GTF2A1L: variants seen among roughly 807,000 people sequenced by gnomAD.
The protein encoded by GTF2A1L is TFIIA-alpha and beta-like factor.
In GTF2A1L, 48 loss-of-function variants were observed where a neutral mutation model predicts 49.7. The ratio of observed to expected loss-of-function variants is 0.97; its 90% confidence interval spans 0.77 to 1.23. The LOEUF is 1.23. Ranked by LOEUF, GTF2A1L falls within the 50% of genes most tolerant of loss-of-function variation. The probability of loss-of-function intolerance (pLI) is 0.00; values close to 1 mark genes in which losing one functional copy is unlikely to be tolerated. For synonymous variants in GTF2A1L, 246 were observed against 193.5 expected (o/e 1.27, Z -2.25); for missense variants, 736 against 564.8 (o/e 1.30, Z -3.07).
intron 2 of GTF2A1L, 46 bp downstream of exon 2, chr2:48,620,998 T>C: frequency 1.3e-6 from 2 of 1,578,076 alleles, no homozygotes; most frequent in Non-Finnish European, 1.7e-6. Context: ...TGTTGTTTTT[T>C]TCAGCATACA....
chr2:48,638,908 T>C (rs972385101), intron 3 of GTF2A1L, among the ~76,000 whole-genome samples: 5 of 151,958 alleles, frequency 3.3e-5, no homozygotes, highest in African/African-American at 7.3e-5. Context: ...CAAAAATCAC[T>C]AACATTCCTA....
chr2:48,631,568 C>T (rs1046738848), intron 3 of GTF2A1L, among the ~76,000 whole-genome samples: 8 of 152,038 alleles, frequency 5.3e-5, no homozygotes, highest in South Asian at 4.2e-4. Flanking sequence ...TTCAGAGAAC[C>T]GGTGTTTGGT....
At chr2:48,625,931 A>G (rs1676266081) in intron 3 of GTF2A1L, among the ~76,000 whole-genome samples, 1 of 144,110 alleles carries the variant, frequency 6.9e-6, no homozygotes, top group African/African-American at 2.5e-5. Context: ...ATATCCAAAA[A>G]ATCATTGCCA....
chr2:48,618,670 G>A (rs900673307), intron 1 of GTF2A1L, among the ~76,000 whole-genome samples: 3 of 152,130 alleles, frequency 2.0e-5, no homozygotes, highest in African/African-American at 7.2e-5. Context: ...TTTTATGATA[G>A]TGCGTTTTAA....
At chr2:48,672,179 G>C (rs1464258859) in intron 8 of GTF2A1L, among the ~76,000 whole-genome samples, 1 of 152,162 alleles carries the variant, frequency 6.6e-6, no homozygotes, top group African/African-American at 2.4e-5. Flanking sequence ...TGACTTGTAG[G>C]ATACAGGTAA....
Position 48,621,276 on chromosome 2 carries a change from T to C in GTF2A1L, c.233T>C (p.Leu78Ser). 6.2e-7 allele frequency: 1 copy of C among 1,614,122 alleles called. No homozygotes were observed. The highest frequency in any genetic ancestry group is 2.2e-5 in the East Asian group (1 of 44,866). Residue 78 changes from leucine to serine, a missense_variant, in exon 3 of 9, where the codon TTG becomes TCG. Transcript: ENST00000403751. ...LQLPHSLHQTLQSSTASLVIP... is the reference protein window; with the variant it reads ...LQLPHSLHQTSQSSTASLVIP... ...TTGCCGCACAGCTTGCACCAAACAT[T>C]GCAATCGTCAACAGGTTGGATACCA... is the stretch of plus-strand genomic sequence containing the variant.
chr2:48,677,377 G>A (rs1327513155), intron 8 of GTF2A1L, among the ~76,000 whole-genome samples: 2 of 151,892 alleles, frequency 1.3e-5, no homozygotes, highest in Non-Finnish European at 2.9e-5. Context: ...AAGATCAGAA[G>A]GAAGTAAGGG....
intron 6 of GTF2A1L, among the ~76,000 whole-genome samples, chr2:48,660,114 A>G (rs538599750): frequency 6.6e-6 from 1 of 151,826 alleles, no homozygotes; most frequent in South Asian, 2.1e-4. Context: ...ATCTTGAACT[A>G]TCCTTGCATC....
intron 6 of GTF2A1L, among the ~76,000 whole-genome samples, chr2:48,649,706 G>GCAGCCTGGTTGTGTCTT (rs1161612848): frequency 6.6e-6 from 1 of 152,156 alleles, no homozygotes; most frequent in African/African-American, 2.4e-5. Context: ...TGTCCCAAAT[G>GCAGCCTGGTTGTGTCTT]CAGCCTGGTT....
chr2:48,636,170 T>C (rs1676876013), intron 3 of GTF2A1L, among the ~76,000 whole-genome samples: 1 of 152,200 alleles, frequency 6.6e-6, no homozygotes, highest in Admixed American at 6.5e-5. Flanking sequence ...TATTTCCAAA[T>C]GGTGGAGGCC....
chr2:48,678,336 G>T (rs752288337), intron 8 of GTF2A1L, among the ~76,000 whole-genome samples: 1 of 151,936 alleles, frequency 6.6e-6, no homozygotes, highest in South Asian at 2.1e-4. Flanking sequence ...GCAAGTGACT[G>T]TGCAAGACAA....
intron 6 of GTF2A1L, among the ~76,000 whole-genome samples, chr2:48,665,321 T>C (rs1017977434): frequency 1.3e-5 from 2 of 151,860 alleles, no homozygotes; most frequent in Admixed American, 1.3e-4. Flanking sequence ...TTTCACTTTT[T>C]TTCCCTTTTA....
chr2:48,652,697 T>A (rs749969219), intron 6 of GTF2A1L, among the ~76,000 whole-genome samples: 43 of 151,364 alleles, frequency 2.8e-4, no homozygotes, highest in Non-Finnish European at 4.3e-4. Context: ...ATTATTATTA[T>A]CATTTATTTA....
intron 8 of GTF2A1L, 111 bp downstream of exon 8, chr2:48,671,791 C>A: frequency 9.4e-7 from 1 of 1,061,594 alleles, no homozygotes; most frequent in Non-Finnish European, 1.3e-6. Context: ...TTAATCAAAA[C>A]AGCAGTTTAA....
Position 48,669,728 on chromosome 2 carries a change from A to G in GTF2A1L, c.985A>G (p.Asn329Asp), listed in dbSNP as rs1488436225. 6 of 1,606,498 alleles carry G rather than the reference A, an allele frequency of 3.7e-6. No individual in the cohort carries two copies. The highest frequency in any genetic ancestry group is 4.3e-6 in the Non-Finnish European group (5 of 1,174,924). The stretch of plus-strand genomic sequence containing the variant: ...TATTTCTTTCTCTTTTTAGGATTCT[A>G]ATTCTCAGGTGGATTTAAGCATTCG... ...SNIPVSEKDSNSQVDLSIRVT... is the reference protein window; with the variant it reads ...SNIPVSEKDSDSQVDLSIRVT... The change falls in exon 7 of 9, where the codon AAT becomes GAT. Residue 329 changes from asparagine (N) to aspartate (D), a missense_variant. Physicochemically the swap from Asn to Asp is conservative, Grantham distance 23. Coordinates refer to ENST00000403751, the MANE Select transcript of GTF2A1L (RefSeq NM_006872.5).
chr2:48,646,393 T>C (rs1400283517), intron 5 of GTF2A1L, 60 bp from the exon 6 acceptor site: 1 of 1,306,716 alleles, frequency 7.7e-7, no homozygotes, highest in Non-Finnish European at 9.9e-7. Context: ...TTTTTTGTGG[T>C]GGTTGTCAAA....
At chr2:48,623,397 G>A (rs943015811) in intron 3 of GTF2A1L, among the ~76,000 whole-genome samples, 1 of 152,132 alleles carries the variant, frequency 6.6e-6, no homozygotes, top group Non-Finnish European at 1.5e-5. Flanking sequence ...ACACTAGTCA[G>A]AATGGCTATT....
intron 3 of GTF2A1L, among the ~76,000 whole-genome samples, chr2:48,631,707 G>C (rs1676588348): frequency 6.6e-6 from 1 of 151,930 alleles, no homozygotes; most frequent in Non-Finnish European, 1.5e-5. Flanking sequence ...TCTGGCTCTA[G>C]GGTTAGTTCT....
At chr2:48,638,169 T>A (rs1377668813) in intron 3 of GTF2A1L, among the ~76,000 whole-genome samples, 1 of 152,134 alleles carries the variant, frequency 6.6e-6, no homozygotes, top group African/African-American at 2.4e-5. Flanking sequence ...GAGCTGCTAC[T>A]ATTCTTACTG....
Sources: gnomAD v4.1 joint callset for allele counts (sites outside exome capture counted in the v4.1 genomes callset) on GRCh38, gnomAD v4.1.1 for gene constraint, MANE v1.5 for transcripts, NCBI Gene and HGNC (gene_info 2026-07-23, HGNC 2026-07-21) for gene names.